Variants in TNRC6B observed in about 807,000 individuals in gnomAD.
TNRC6B encodes trinucleotide repeat containing adaptor 6B.
A neutral mutation model predicts 203.6 loss-of-function variants in TNRC6B; 52 were observed. The ratio of observed to expected loss-of-function variants is 0.26; its 90% CI spans 0.20 to 0.32. The LOEUF (loss-of-function observed/expected upper bound fraction) is 0.32, where lower values mean the gene tolerates loss of function less well. Among genes scored for constraint, TNRC6B ranks in the 10% least tolerant of loss-of-function variants. The pLI is 1.00. For missense variants in TNRC6B, 1,923 were observed against 2,286.2 expected (o/e 0.84, Z 3.24); for synonymous variants, 838 against 845.7 (o/e 0.99, Z 0.16).
At chr22:40,123,748 C>G (rs765213457) in intron 2 of TNRC6B, among the ~76,000 whole-genome samples, 2 of 152,222 alleles carry the variant, frequency 1.3e-5, no homozygotes, top group East Asian at 3.9e-4. Flanking sequence ...TCAGCTATGC[C>G]TATAATGAAA....
At chr22:40,193,257 A>G (rs946211223) in intron 1 of TNRC6B, among the ~76,000 whole-genome samples, 1 of 152,286 alleles carries the variant, frequency 6.6e-6, no homozygotes, top group African/African-American at 2.4e-5. Context: ...AGGAACTCAC[A>G]GTGTTCATCA....
At chr22:40,132,374 C>T (rs927129802) in intron 3 of TNRC6B, among the ~76,000 whole-genome samples, 29 of 147,730 alleles carry the variant, frequency 2.0e-4, no homozygotes, top group Non-Finnish European at 2.4e-4. Flanking sequence ...TCAATAAAGA[C>T]GAGACGAGAC....
At chr22:40,217,375 C>T (rs1439557623) in intron 1 of TNRC6B, among the ~76,000 whole-genome samples, 3 of 152,118 alleles carry the variant, frequency 2.0e-5, no homozygotes, top group Admixed American at 6.5e-5. Context: ...ATAAGTATGA[C>T]CCCAAGCAAG....
intron 3 of TNRC6B, among the ~76,000 whole-genome samples, chr22:40,257,728 T>G (rs2070302341): frequency 7.2e-6 from 1 of 137,936 alleles, no homozygotes; most frequent in Admixed American, 7.3e-5. Context: ...AAAAAAAAAG[T>G]AAATGAATGG....
At chr22:40,145,907 G>A (rs2068691333) in intron 3 of TNRC6B, among the ~76,000 whole-genome samples, 1 of 152,124 alleles carries the variant, frequency 6.6e-6, no homozygotes, top group African/African-American at 2.4e-5. Context: ...TTGAAATGCT[G>A]GCATATAATC....
At chr22:40,185,359 A>G (rs564411508) in intron 1 of TNRC6B, among the ~76,000 whole-genome samples, 1 of 152,286 alleles carries the variant, frequency 6.6e-6, no homozygotes, top group South Asian at 2.1e-4. Flanking sequence ...ATGCAGTGCA[A>G]GGTGCTGTTC....
At chr22:40,108,403 G>A (rs1397973414) in intron 1 of TNRC6B, among the ~76,000 whole-genome samples, 3 of 152,234 alleles carry the variant, frequency 2.0e-5, no homozygotes, top group Non-Finnish European at 4.4e-5. Flanking sequence ...TGTGTTCTTG[G>A]AAGTTAGGGC....
Position 40,151,638 on chromosome 22 carries a change from A to G in TNRC6B, c.46-4477A>G, listed in dbSNP as rs571975321. Among the ~76,000 whole-genome samples, 5 of 152,034 alleles carry G rather than the reference A, an allele frequency of 3.3e-5. No individual in the cohort carries two copies. The East Asian group carries it at 7.7e-4, about 23-fold the overall frequency. On this transcript the variant is annotated intron_variant, in intron 3 of 23. Transcript: ENST00000301923. ...ATTGTTATAATGGAACAAGAACAGG[A>G]GACTGGAAAAAGGAATATTCAAAGA...
At chr22:40,300,124 CATTTCCAGTAATA>C (rs1260604983) in intron 12 of TNRC6B, among the ~76,000 whole-genome samples, 10 of 152,168 alleles carry the variant, frequency 6.6e-5, no homozygotes, top group Non-Finnish European at 1.3e-4. Flanking sequence ...TTTTATGGCA[CATTTCCAGTAATA>C]ATTTCTTGGT....
intron 4 of TNRC6B, among the ~76,000 whole-genome samples, chr22:40,158,578 T>C (rs4642036): frequency 0.68 from 103,155 of 151,978 alleles, 36,766 homozygotes; most frequent in African/African-American, 0.9. Flanking sequence ...CAGATTCTCC[T>C]ACAAGTTTTA....
At chr22:40,075,148 ATATATATATTTT>A (rs2067996033) in intron 1 of TNRC6B, among the ~76,000 whole-genome samples, 1 of 70,060 alleles carries the variant, frequency 1.4e-5, no homozygotes, top group Non-Finnish European at 2.4e-5. Flanking sequence ...ATATATATAT[ATATATATATTTT>A]TTTTTTTTTT....
At chr22:40,281,436 C>T in intron 11 of TNRC6B, 147 bp downstream of exon 11, 2 of 595,744 alleles carry the variant, frequency 3.4e-6, no homozygotes, top group Non-Finnish European at 5.1e-6. Flanking sequence ...CTAGATCTTT[C>T]AGCCCATAGA....
intron 1 of TNRC6B, among the ~76,000 whole-genome samples, chr22:40,182,991 C>T (rs532170634): frequency 1.3e-5 from 2 of 152,282 alleles, no homozygotes; most frequent in East Asian, 1.9e-4. Context: ...GTGTATGGTA[C>T]GTCTCCACAA....
intron 2 of TNRC6B, among the ~76,000 whole-genome samples, chr22:40,121,306 C>G (rs886461994): frequency 6.6e-6 from 1 of 151,948 alleles, no homozygotes; most frequent in Non-Finnish European, 1.5e-5. Flanking sequence ...TTTGAATCAC[C>G]TATATAAACC....
At chr22:40,318,213 G>C (rs1184293678) in intron 21 of TNRC6B, among the ~76,000 whole-genome samples, 1 of 152,036 alleles carries the variant, frequency 6.6e-6, no homozygotes, top group Non-Finnish European at 1.5e-5. Flanking sequence ...GGAGAGTGTG[G>C]GTCAGCTCTT....
At position 40,064,877 on chromosome 22, in the gene TNRC6B, A is replaced by C. The variant is rs556342596; in HGVS notation, c.-121+19879A>C. On this transcript the variant is annotated intron_variant, in intron 1 of 23. Transcript: ENST00000301923. Reference sequence around the variant, plus strand: ...GGTGATCTGCCCACCTCGGCCTTCCAAAGTGCTGGGATTACAGGCGTGAGC... The same window carrying C: ...GGTGATCTGCCCACCTCGGCCTTCCCAAGTGCTGGGATTACAGGCGTGAGC... Among the ~76,000 whole-genome samples, 11 of 152,200 alleles carry C rather than the reference A, an allele frequency of 7.2e-5. No individual in the cohort carries two copies. The South Asian group carries it at 2.3e-3, about 32-fold the overall frequency.
chr22:40,075,810 A>G (rs2068008490), intron 1 of TNRC6B, among the ~76,000 whole-genome samples: 1 of 152,120 alleles, frequency 6.6e-6, no homozygotes, highest in African/African-American at 2.4e-5. Flanking sequence ...TAAAATATGC[A>G]TCTTTAACTT....
chr22:40,289,321 A>C (rs1258023161), intron 12 of TNRC6B, among the ~76,000 whole-genome samples: 1 of 152,080 alleles, frequency 6.6e-6, no homozygotes, highest in Non-Finnish European at 1.5e-5. Context: ...GGAACAAACA[A>C]ACACTGGAAG....
Position 40,327,250 on chromosome 22 carries a change from G to A in TNRC6B, c.*4009G>A, listed in dbSNP as rs954864143. On this transcript the variant is annotated 3_prime_UTR_variant, in exon 23 of 23. Transcript: ENST00000454349. Reference sequence around the variant, plus strand: ...CGCACATGTGTGTGTGTGTGGTCCAGTCACTCCACAGATGTAAGATACTCA... The same window carrying A: ...CGCACATGTGTGTGTGTGTGGTCCAATCACTCCACAGATGTAAGATACTCA... 2 of 152,640 alleles carry A rather than the reference G, an allele frequency of 1.3e-5. No individual in the cohort carries two copies. The highest frequency in any genetic ancestry group is 4.8e-5 in the African/African-American group (2 of 41,428). The allele number at this position is 152,640 out of a possible 1,614,324, so 9.5% of individuals were successfully genotyped here.
Sources: allele counts gnomAD v4.1 joint callset (sites outside exome capture counted in the v4.1 genomes callset), GRCh38; gene constraint gnomAD v4.1.1; transcripts MANE v1.5; gene names NCBI Gene and HGNC (gene_info 2026-07-23, HGNC 2026-07-21).